Variants in LGSN observed in about 807,000 individuals in gnomAD.
The protein encoded by LGSN is lengsin.
In LGSN, 21 loss-of-function variants were observed where a neutral mutation model predicts 19.5. That is an observed-to-expected ratio of 1.07 (90% CI 0.76 to 1.55). LGSN has a LOEUF of 1.55. Ranked by LOEUF, LGSN falls within the 40% of genes most tolerant of loss-of-function variation. LGSN has a pLI of 0.00. For missense variants in LGSN, 673 were observed against 608.5 expected (o/e 1.11, Z -1.12); for synonymous variants, 257 against 215.6 (o/e 1.19, Z -1.68).
At chr6:63,339,891 C>A in the LGSN span, among the ~76,000 whole-genome samples, 1 of 152,010 alleles carries the variant, frequency 6.6e-6, no homozygotes, top group Admixed American at 6.6e-5. Flanking sequence ...TGTCAGATAG[C>A]ATTTATTTGC....
chr6:63,285,838 A>G (rs2127383643), intron 2 of LGSN, 85 bp from the exon 3 acceptor site: 1 of 991,220 alleles, frequency 1.0e-6, no homozygotes, highest in African/African-American at 1.6e-5. Context: ...TGAATTAGTC[A>G]ATATTATTAA....
intron 1 of LGSN, among the ~76,000 whole-genome samples, chr6:63,303,572 G>C (rs1195375632): frequency 6.6e-6 from 1 of 152,200 alleles, no homozygotes; most frequent in African/African-American, 2.4e-5. Context: ...AATAGTCACT[G>C]TAAGGCCTCT....
chr6:63,398,504 GA>G, the LGSN span, among the ~76,000 whole-genome samples: 13 of 152,054 alleles, frequency 8.5e-5, no homozygotes, highest in East Asian at 2.5e-3. Flanking sequence ...AGGATATAAA[GA>G]AAGAAAATAT....
At chr6:63,364,302 C>G in the LGSN span, among the ~76,000 whole-genome samples, 1 of 151,446 alleles carries the variant, frequency 6.6e-6, no homozygotes, top group Non-Finnish European at 1.5e-5. Context: ...TCTGATAAAA[C>G]AGACTGTAAA....
the LGSN span, among the ~76,000 whole-genome samples, chr6:63,424,361 G>C: frequency 6.6e-6 from 1 of 151,978 alleles, no homozygotes; most frequent in African/African-American, 2.4e-5. Context: ...GAAATCTCCA[G>C]GCCTAGATAT....
chr6:63,324,337 T>A (rs1311596266), upstream of LGSN, among the ~76,000 whole-genome samples: 1 of 152,210 alleles, frequency 6.6e-6, no homozygotes, highest in Non-Finnish European at 1.5e-5. Flanking sequence ...ATCACATAGT[T>A]TTCTTGATAA....
chr6:63,412,654 GGGAAGGAAA>G, the LGSN span, among the ~76,000 whole-genome samples: 3,404 of 117,586 alleles, frequency 0.029, 231 homozygotes, highest in African/African-American at 0.11. Context: ...AGGGAAGGAA[GGGAAGGAAA>G]GGAAGGAAAG....
chr6:63,445,999 A>G, the LGSN span, among the ~76,000 whole-genome samples: 88,485 of 151,904 alleles, frequency 0.58, 26,019 homozygotes, highest in South Asian at 0.61. Flanking sequence ...CTGTAATCCC[A>G]GCACTTTGGA....
At chr6:63,553,665 T>C in the LGSN span, among the ~76,000 whole-genome samples, 6 of 152,198 alleles carry the variant, frequency 3.9e-5, no homozygotes, top group African/African-American at 1.4e-4. Flanking sequence ...TTGATTGCAT[T>C]ATCACTGATT....
chr6:63,420,147 G>A, the LGSN span, among the ~76,000 whole-genome samples: 1 of 150,986 alleles, frequency 6.6e-6, no homozygotes, highest in African/African-American at 2.4e-5. Context: ...AGCTTGCAGT[G>A]AGCCGAGATC....
the LGSN span, among the ~76,000 whole-genome samples, chr6:63,483,565 T>C: frequency 9.1e-4 from 139 of 152,234 alleles, no homozygotes; most frequent in Admixed American, 1.4e-3. Context: ...AGATGGGGTT[T>C]CACCATGTGC....
chr6:63,416,966 G>A, the LGSN span, among the ~76,000 whole-genome samples: 6 of 148,076 alleles, frequency 4.1e-5, no homozygotes, highest in African/African-American at 1.5e-4. Context: ...CACATTTAAC[G>A]AAAGTCGAAC....
rs904461912 is a variant in LGSN, at chr6:63,280,492, A to G, written c.1059T>C (p.Ala353=). Residue 353 remains alanine, a synonymous_variant, in exon 4 of 4, where the codon GCT becomes GCC. Coordinates refer to ENST00000370657, the MANE Select transcript of LGSN (RefSeq NM_016571.3). ...KWLAGLLKHS[A]ALSCLMAPSV... Reference sequence around the variant, plus strand: ...AAGGCGCCATCAGGCAGCTGAGCGCAGCAGAGTGCTTCAAGAGTCCTGCCA... The same window carrying G: ...AAGGCGCCATCAGGCAGCTGAGCGCGGCAGAGTGCTTCAAGAGTCCTGCCA... The G allele has an allele frequency of 6.2e-7, 1 of 1,614,158 alleles. No homozygotes were observed. Among genetic ancestry groups the G allele is most frequent in the Non-Finnish European group, 8.5e-7 (1 of 1,180,042 alleles).
chr6:63,437,057 G>A, the LGSN span, among the ~76,000 whole-genome samples: 2 of 141,686 alleles, frequency 1.4e-5, no homozygotes, highest in Admixed American at 7.2e-5. Flanking sequence ...AAAGGGAAGG[G>A]AGGGGAAGGG....
At chr6:63,549,550 G>A in the LGSN span, 2 of 614,580 alleles carry the variant, frequency 3.3e-6, no homozygotes, top group South Asian at 2.0e-5. Flanking sequence ...GGTGATAAAT[G>A]TTGACAAGAT....
At chr6:63,572,479 C>G in the LGSN span, 2 of 388,308 alleles carry the variant, frequency 5.2e-6, no homozygotes, top group African/African-American at 4.2e-5. Context: ...GACGCAAGGG[C>G]GCCTCGGCGC....
chr6:63,326,692 C>T, the LGSN span, among the ~76,000 whole-genome samples: 1 of 152,236 alleles, frequency 6.6e-6, no homozygotes, highest in African/African-American at 2.4e-5. Flanking sequence ...AGCTGCTGGC[C>T]TGGGTGCTAA....
the LGSN span, among the ~76,000 whole-genome samples, chr6:63,529,677 A>G: frequency 1.3e-5 from 2 of 152,212 alleles, no homozygotes; most frequent in Non-Finnish European, 2.9e-5. Context: ...AAAGTTAGAA[A>G]ACTAAAAGTT....
At chr6:63,514,226 T>TTTTTG in the LGSN span, among the ~76,000 whole-genome samples, 9 of 152,166 alleles carry the variant, frequency 5.9e-5, no homozygotes, top group South Asian at 2.1e-4. Flanking sequence ...CTTTGGCTTT[T>TTTTTG]TTTTGTTTTG....
Sources: gnomAD v4.1 joint callset for allele counts (sites outside exome capture counted in the v4.1 genomes callset) on GRCh38, gnomAD v4.1.1 for gene constraint, MANE v1.5 for transcripts, NCBI Gene and HGNC (gene_info 2026-07-23, HGNC 2026-07-21) for gene names.